The following FAM186A variants were observed in gnomAD, a reference collection of about 807,000 sequenced individuals.
The protein encoded by FAM186A is family with sequence similarity 186 member A, also known as protein FAM186A.
FAM186A carries 163 observed loss-of-function variants against 216.8 expected under a neutral mutation model. The observed-to-expected ratio is 0.75, with a 90% CI of 0.66 to 0.86. The LOEUF is 0.86. Ranked by LOEUF, FAM186A falls within the 40% of genes least tolerant of loss-of-function variation. FAM186A has a pLI of 0.00. For synonymous variants in FAM186A, 805 were observed against 1,025.3 expected (o/e 0.79, Z 4.10); for missense variants, 2,184 against 2,746.2 (o/e 0.80, Z 4.58).
At chr12:50,367,574 G>T (rs1002935866) in intron 1 of FAM186A, among the ~76,000 whole-genome samples, 2 of 148,182 alleles carry the variant, frequency 1.3e-5, no homozygotes, top group African/African-American at 2.5e-5. Flanking sequence ...AAAGGAAAAA[G>T]TAAAATTATC....
At chr12:50,372,994 GGAATGAAAGAAAGAAAGAAA>G (rs1487564859) in intron 1 of FAM186A, among the ~76,000 whole-genome samples, 1,242 of 59,360 alleles carry the variant, frequency 0.021, 46 homozygotes, top group African/African-American at 0.027. Context: ...AAGGAAGGAA[GGAATGAAAGAAAGAAAGAAA>G]GAAAGAAAGA....
intron 4 of FAM186A, among the ~76,000 whole-genome samples, chr12:50,340,693 G>C (rs908276091): frequency 1.3e-5 from 2 of 151,182 alleles, no homozygotes; most frequent in African/African-American, 4.9e-5. Context: ...AAAAAAAAAT[G>C]TTGATGAATT....
Position 50,354,488 on chromosome 12 carries a change from C to T in FAM186A, c.2344G>A (p.Glu782Lys). The T allele has an allele frequency of 1.3e-6, 2 of 1,551,638 alleles. No individual in the cohort carries two copies. Among genetic ancestry groups the T allele is most frequent in the Non-Finnish European group, 1.7e-6 (2 of 1,147,000 alleles). ...TTGTTAATTACTGGATCTGTGCTCT[C>T]ATATGAGAGGAGGGTACTGCTTTCA... ...KSESSTLLSY[E>K]STDPVINNLI... The change falls in exon 4 of 8, where the codon GAG becomes AAG. Residue 782 changes from glutamate to lysine, a missense_variant. Transcript: ENST00000327337.
chr12:50,384,159 A>G (rs527912689), intron 1 of FAM186A, among the ~76,000 whole-genome samples: 7 of 152,082 alleles, frequency 4.6e-5, no homozygotes, highest in African/African-American at 1.4e-4. Flanking sequence ...TACAGAGGCC[A>G]GGTGTGGTGG....
intron 3 of FAM186A, among the ~76,000 whole-genome samples, chr12:50,357,697 T>G (rs1942992295): frequency 6.6e-6 from 1 of 152,048 alleles, no homozygotes; most frequent in African/African-American, 2.4e-5. Context: ...CTACCGAACC[T>G]CAGTAACAAA....
At chr12:50,366,608 C>T (rs142342858) in intron 1 of FAM186A, among the ~76,000 whole-genome samples, 8 of 101,352 alleles carry the variant, frequency 7.9e-5, no homozygotes, top group African/African-American at 3.2e-4. Flanking sequence ...ATGCAATGTG[C>T]CAAATGAATA....
Position 50,393,349 on chromosome 12 carries a change from C to CCAACATGGTGAAACCTTCACCTT in FAM186A, c.192+2943_192+2944insAAGGTGAAGGTTTCACCATGTTG, listed in dbSNP as rs542345004. ...GGTCAGGAGTTCAAGACCAGCCTGG[C>CCAACATGGTGAAACCTTCACCTT]CAACATGGTGAAACCCTGTCTCTAC... On this transcript the variant is annotated intron_variant, in intron 1 of 7. Coordinates refer to ENST00000327337, the MANE Select transcript of FAM186A (RefSeq NM_001145475.3). Among the ~76,000 whole-genome samples, 492 of 150,876 alleles carry CCAACATGGTGAAACCTTCACCTT rather than the reference C, an allele frequency of 3.3e-3. 4 individuals are homozygous for CCAACATGGTGAAACCTTCACCTT. Among genetic ancestry groups the CCAACATGGTGAAACCTTCACCTT allele is most frequent in the African/African-American group, 1.0e-2 (410 of 41,162 alleles).
chr12:50,378,177 T>TAG, intron 1 of FAM186A, among the ~76,000 whole-genome samples: 1 of 149,680 alleles, frequency 6.7e-6, no homozygotes, highest in South Asian at 2.1e-4. Context: ...TGAGCCGAGA[T>TAG]TGCGACATTA....
At chr12:50,345,826 T>C (rs558117934) in intron 4 of FAM186A, among the ~76,000 whole-genome samples, 2 of 152,228 alleles carry the variant, frequency 1.3e-5, no homozygotes, top group South Asian at 4.1e-4. Flanking sequence ...TGGCTTTGGC[T>C]ATTTGGGCTC....
In FAM186A at chr12:50,330,657, A is replaced by T; in HGVS notation, c.6950T>A (p.Leu2317Gln). 6.4e-7 allele frequency: 1 copy of T among 1,550,830 alleles called. No individual in the cohort carries two copies. ...KTSMHSLWAQ[L>Q]GGYPDIPRLL... The stretch of plus-strand genomic sequence containing the variant: ...CCTGGGAATATCTGGGTACCCACCC[A>T]GCTGGGCCCAGAGTGAATGCATAGA... Residue 2317 changes from leucine (L) to glutamine (Q), a missense_variant, in exon 7 of 8, where the codon CTG becomes CAG. Physicochemically the swap from Leu to Gln is moderately radical, Grantham distance 113 (BLOSUM62 -2). Transcript: ENST00000327337.
chr12:50,383,779 T>C (rs148554179), intron 1 of FAM186A, among the ~76,000 whole-genome samples: 1 of 151,880 alleles, frequency 6.6e-6, no homozygotes, highest in African/African-American at 2.4e-5. Flanking sequence ...GTAAGCAAAC[T>C]ATGTAACTGC....
At chr12:50,378,622 A>ATATATATATATATACACATATGTAAATTG in intron 1 of FAM186A, among the ~76,000 whole-genome samples, 1 of 3,116 alleles carries the variant, frequency 3.2e-4, no homozygotes, top group African/African-American at 3.4e-4. Flanking sequence ...TAAATTGTAT[A>ATATATATATATATACACATATGTAAATTG]TATATATATA....
At chr12:50,389,001 C>T (rs1435698894) in intron 1 of FAM186A, among the ~76,000 whole-genome samples, 2 of 151,188 alleles carry the variant, frequency 1.3e-5, no homozygotes, top group Non-Finnish European at 2.9e-5. Context: ...GTTGCAGTGA[C>T]ACGAGATCGT....
Position 50,353,997 on chromosome 12 carries a change from C to G in FAM186A, c.2835G>C (p.Gln945His). 6.4e-7 allele frequency: 1 copy of G among 1,552,000 alleles called. No individual in the cohort carries two copies. The highest frequency in any genetic ancestry group is 8.7e-7 in the Non-Finnish European group (1 of 1,147,144). The change falls in exon 4 of 8, where the codon CAG (glutamine) becomes CAC (histidine). Residue 945 changes from glutamine (Q) to histidine (H), a missense_variant. Gln to His is a conservative substitution (Grantham distance 24, BLOSUM62 0). Transcript: ENST00000327337. ...QGLLLEKENGQMRQIQKEAKH... is the reference protein window; with the variant it reads ...QGLLLEKENGHMRQIQKEAKH... ...TCGCTTCCTTCTGAATCTGCCTCAT[C>G]TGTCCATTCTCCTTTTCCAAGAGCA...
intron 1 of FAM186A, among the ~76,000 whole-genome samples, chr12:50,393,774 C>T (rs549079879): frequency 1.3e-5 from 2 of 152,036 alleles, no homozygotes; most frequent in African/African-American, 2.4e-5. Context: ...GCTTGAGCCC[C>T]GGAGGCAGAG....
At chr12:50,390,337 G>A (rs750656502) in intron 1 of FAM186A, among the ~76,000 whole-genome samples, 10 of 152,082 alleles carry the variant, frequency 6.6e-5, no homozygotes, top group Non-Finnish European at 1.2e-4. Context: ...GAGAACTTGA[G>A]GTCCTGTTCA....
chr12:50,391,556 C>T (rs1043100346), intron 1 of FAM186A, among the ~76,000 whole-genome samples: 3 of 151,662 alleles, frequency 2.0e-5, no homozygotes, highest in African/African-American at 2.4e-5. Flanking sequence ...CCTTGTGATC[C>T]GCCTGCCTCA....
chr12:50,394,120 A>G (rs558769971), intron 1 of FAM186A, among the ~76,000 whole-genome samples: 3 of 152,030 alleles, frequency 2.0e-5, no homozygotes, highest in Admixed American at 6.6e-5. Flanking sequence ...GGGTTTCACC[A>G]TATTGGCCAG....
chr12:50,360,511 C>G (rs1234127522), intron 3 of FAM186A, among the ~76,000 whole-genome samples: 1 of 151,560 alleles, frequency 6.6e-6, no homozygotes, highest in African/African-American at 2.4e-5. Flanking sequence ...ATGGTGAAAC[C>G]CTGTCTCTAC....
Sources: gnomAD v4.1 joint callset for allele counts (sites outside exome capture counted in the v4.1 genomes callset) on GRCh38, gnomAD v4.1.1 for gene constraint, MANE v1.5 for transcripts, NCBI Gene and HGNC (gene_info 2026-07-23, HGNC 2026-07-21) for gene names.